The following GRM3 variants were observed in gnomAD, a reference collection of about 807,000 sequenced individuals.
GRM3 encodes the protein metabotropic glutamate receptor 3.
Under a neutral mutation model 70.5 loss-of-function variants are expected in GRM3, and 26 were observed. The ratio of observed to expected loss-of-function variants is 0.37; its 90% CI spans 0.27 to 0.51. GRM3 has a LOEUF of 0.51. Among genes scored for constraint, GRM3 ranks in the 20% least tolerant of loss-of-function variants. The pLI, the probability that GRM3 is intolerant of heterozygous loss-of-function variation, is 0.93. For synonymous variants in GRM3, 443 were observed against 434.9 expected (o/e 1.02, Z -0.23); for missense variants, 859 against 1,123.8 (o/e 0.76, Z 3.37).
chr7:86,805,415 C>CA (rs1385607271), intron 3 of GRM3, among the ~76,000 whole-genome samples: 1 of 152,162 alleles, frequency 6.6e-6, no homozygotes, highest in African/African-American at 2.4e-5. Flanking sequence ...GCATTTGCTA[C>CA]AGTTAATGAA....
chr7:86,729,517 G>C (rs1452647747), intron 1 of GRM3, among the ~76,000 whole-genome samples: 1 of 152,132 alleles, frequency 6.6e-6, no homozygotes, highest in African/African-American at 2.4e-5. Context: ...ATGGAGGAAA[G>C]CTAATATTTC....
At chr7:86,852,003 T>C (rs1263468450) in intron 5 of GRM3, among the ~76,000 whole-genome samples, 2 of 152,154 alleles carry the variant, frequency 1.3e-5, no homozygotes, top group Non-Finnish European at 2.9e-5. Flanking sequence ...TTTACACACA[T>C]GTGTGTATGT....
At chr7:86,686,643 A>G (rs1305169377) in intron 1 of GRM3, among the ~76,000 whole-genome samples, 1 of 152,194 alleles carries the variant, frequency 6.6e-6, no homozygotes, top group Non-Finnish European at 1.5e-5. Context: ...CAACTAAAAG[A>G]TCAAGATAAA....
intron 3 of GRM3, among the ~76,000 whole-genome samples, chr7:86,830,729 T>C (rs929463846): frequency 6.6e-6 from 1 of 152,122 alleles, no homozygotes; most frequent in African/African-American, 2.4e-5. Flanking sequence ...TTGTTATGAG[T>C]TGAATTGTGT....
At chr7:86,651,738 A>G (rs1261748095) in intron 1 of GRM3, among the ~76,000 whole-genome samples, 2 of 152,172 alleles carry the variant, frequency 1.3e-5, no homozygotes, top group Admixed American at 1.3e-4. Context: ...ATTAGTAGAC[A>G]AGACATGAAC....
chr7:86,736,654 C>A (rs966989997), intron 1 of GRM3, among the ~76,000 whole-genome samples: 1 of 152,140 alleles, frequency 6.6e-6, no homozygotes. Context: ...TGCTTGTCAG[C>A]AGTTCAGCCA....
rs531338936 is a variant in GRM3 at position 86,804,235 on chromosome 7, A to G, written c.1324+17119A>G. Among the ~76,000 whole-genome samples, 31 of 152,336 alleles carry G rather than the reference A, an allele frequency of 2.0e-4. 1 individual carries two copies. In the South Asian group the frequency reaches 6.2e-3, roughly 31 times the overall value. ...GATTCTTGAGAGAATATTGCCATGAATAAGAGTAAGAGACACTGAACCAGT... is the reference window on the plus strand; with the variant it reads ...GATTCTTGAGAGAATATTGCCATGAGTAAGAGTAAGAGACACTGAACCAGT... On this transcript the variant is annotated intron_variant, in intron 3 of 5. Transcript: ENST00000361669.
intron 1 of GRM3, among the ~76,000 whole-genome samples, chr7:86,668,742 T>A (rs2115888244): frequency 6.6e-6 from 1 of 152,238 alleles, no homozygotes; most frequent in African/African-American, 2.4e-5. Flanking sequence ...AGAGGCTCAT[T>A]CCCACCTGCC....
At chr7:86,692,963 G>T (rs1415253171) in intron 1 of GRM3, among the ~76,000 whole-genome samples, 2 of 152,130 alleles carry the variant, frequency 1.3e-5, no homozygotes, top group Non-Finnish European at 2.9e-5. Flanking sequence ...CCTACAGACT[G>T]GACAGATCCG....
At chr7:86,751,245 A>G (rs1472126505) in intron 1 of GRM3, among the ~76,000 whole-genome samples, 1 of 152,110 alleles carries the variant, frequency 6.6e-6, no homozygotes, top group Non-Finnish European at 1.5e-5. Flanking sequence ...CCTTCATGGT[A>G]GAAGCAACCA....
intron 1 of GRM3, among the ~76,000 whole-genome samples, chr7:86,743,180 A>G (rs1347988102): frequency 6.6e-6 from 1 of 152,194 alleles, no homozygotes; most frequent in African/African-American, 2.4e-5. Context: ...CAAATAATAT[A>G]GTAATCTCTC....
intron 1 of GRM3, among the ~76,000 whole-genome samples, chr7:86,745,129 T>C (rs1778827721): frequency 6.6e-6 from 1 of 152,100 alleles, no homozygotes; most frequent in South Asian, 2.1e-4. Context: ...TCATTTTCTT[T>C]TCCAGTTGGC....
intron 1 of GRM3, among the ~76,000 whole-genome samples, chr7:86,646,018 G>A (rs1793462729): frequency 1.9e-5 from 1 of 52,290 alleles, no homozygotes; most frequent in Non-Finnish European, 3.8e-5. Flanking sequence ...GGGGGGGGTG[G>A]GAGGGAGTTT....
intron 2 of GRM3, chr7:86,774,992 A>G (rs918266000): frequency 6.6e-6 from 1 of 152,158 alleles, no homozygotes; most frequent in Admixed American, 6.6e-5. Flanking sequence ...CAGACAATAT[A>G]CCCACATAAC....
intron 2 of GRM3, among the ~76,000 whole-genome samples, chr7:86,773,462 A>G (rs1392447498): frequency 6.6e-6 from 1 of 152,034 alleles, no homozygotes; most frequent in East Asian, 1.9e-4. Flanking sequence ...TCAAGTTTTT[A>G]TCACTTTACA....
At chr7:86,657,508 G>A (rs935529269) in intron 1 of GRM3, among the ~76,000 whole-genome samples, 3 of 152,198 alleles carry the variant, frequency 2.0e-5, no homozygotes, top group African/African-American at 7.2e-5. Context: ...GAATTGTGGA[G>A]CATCATGTAA....
At chr7:86,790,834 T>C (rs975533653) in intron 3 of GRM3, among the ~76,000 whole-genome samples, 1 of 152,162 alleles carries the variant, frequency 6.6e-6, no homozygotes, top group Non-Finnish European at 1.5e-5. Flanking sequence ...AGACCTACTC[T>C]GGCCATTCTT....
At chr7:86,697,308 T>TA (rs1794841669) in intron 1 of GRM3, among the ~76,000 whole-genome samples, 1 of 150,644 alleles carries the variant, frequency 6.6e-6, no homozygotes, top group Non-Finnish European at 1.5e-5. Flanking sequence ...AAAAAAAAGA[T>TA]ACAAATATAC....
intron 3 of GRM3, among the ~76,000 whole-genome samples, chr7:86,818,292 T>C (rs564102960): frequency 6.6e-6 from 1 of 152,204 alleles, no homozygotes; most frequent in East Asian, 1.9e-4. Context: ...CATGTGATAA[T>C]GACTATAGTA....
Sources: allele counts gnomAD v4.1 joint callset (sites outside exome capture counted in the v4.1 genomes callset), GRCh38; gene constraint gnomAD v4.1.1; transcripts MANE v1.5; gene names NCBI Gene and HGNC (gene_info 2026-07-23, HGNC 2026-07-21).